CCDC148: variants seen among roughly 807,000 people sequenced by gnomAD.
CCDC148 encodes the protein coiled-coil domain-containing protein 148.
A neutral mutation model predicts 85.7 loss-of-function variants in CCDC148; 89 were observed. The observed-to-expected ratio is 1.04, with a 90% CI of 0.87 to 1.24. The LOEUF is 1.24. CCDC148 is among the 50% of genes most tolerant of loss of function. The pLI is 0.00. For synonymous variants in CCDC148, 230 were observed against 213.9 expected (o/e 1.08, Z -0.66); for missense variants, 692 against 671.7 (o/e 1.03, Z -0.33).
intron 13 of CCDC148, among the ~76,000 whole-genome samples, chr2:158,174,537 T>A (rs1024241099): frequency 6.6e-6 from 1 of 151,934 alleles, no homozygotes; most frequent in South Asian, 2.1e-4. Flanking sequence ...ATGACAGGGA[T>A]ACATTCTGAG....
chr2:158,408,868 T>C (rs1480779786), intron 1 of CCDC148, among the ~76,000 whole-genome samples: 1 of 152,144 alleles, frequency 6.6e-6, no homozygotes, highest in African/African-American at 2.4e-5. Context: ...ATAGCCATTC[T>C]AACTGGTGTG....
chr2:158,262,442 G>T (rs1233030690), intron 9 of CCDC148, among the ~76,000 whole-genome samples: 1 of 151,848 alleles, frequency 6.6e-6, no homozygotes, highest in Non-Finnish European at 1.5e-5. Context: ...AAATATATCT[G>T]CACAATAAAA....
At chr2:158,248,729 T>A (rs1285011849) in intron 10 of CCDC148, among the ~76,000 whole-genome samples, 10 of 152,178 alleles carry the variant, frequency 6.6e-5, no homozygotes, top group Admixed American at 3.9e-4. Context: ...CTCATAGGTA[T>A]AGATCACATC....
chr2:158,340,439 AGT>A (rs944358673), intron 4 of CCDC148, 46 bp from the exon 5 acceptor site: 28 of 1,593,394 alleles, frequency 1.8e-5, no homozygotes, highest in Non-Finnish European at 2.4e-5. Context: ...TATTATTTTA[AGT>A]GTCTCCAAAA....
At chr2:158,453,435 AT>A (rs2105352079) in intron 1 of CCDC148, among the ~76,000 whole-genome samples, 1 of 152,332 alleles carries the variant, frequency 6.6e-6, no homozygotes, top group South Asian at 2.1e-4. Flanking sequence ...GAGCGGAACT[AT>A]TATTAAGCCC....
intron 1 of CCDC148, among the ~76,000 whole-genome samples, chr2:158,440,513 G>A (rs1360720972): frequency 6.6e-6 from 1 of 152,070 alleles, no homozygotes; most frequent in African/African-American, 2.4e-5. Flanking sequence ...ACCCCCAGTG[G>A]ATACCTGAAA....
chr2:158,437,004 A>G (rs1169490104), intron 1 of CCDC148, among the ~76,000 whole-genome samples: 3 of 152,164 alleles, frequency 2.0e-5, no homozygotes, highest in Admixed American at 2.0e-4. Flanking sequence ...AAACCAAAAA[A>G]AGTCCAGGAC....
At chr2:158,439,303 A>C (rs1351887194) in intron 1 of CCDC148, among the ~76,000 whole-genome samples, 1 of 152,218 alleles carries the variant, frequency 6.6e-6, no homozygotes, top group Non-Finnish European at 1.5e-5. Flanking sequence ...GCCATAAAAA[A>C]GGATGAGTTC....
chr2:158,249,117 AT>A (rs1250245510), intron 10 of CCDC148, among the ~76,000 whole-genome samples: 1 of 152,102 alleles, frequency 6.6e-6, no homozygotes, highest in Non-Finnish European at 1.5e-5. Flanking sequence ...ACCGACTCCC[AT>A]TCTCAATACT....
chr2:158,293,734 T>C (rs1691003461), intron 9 of CCDC148, among the ~76,000 whole-genome samples: 1 of 152,142 alleles, frequency 6.6e-6, no homozygotes. Flanking sequence ...ACCCCCAAAT[T>C]CCTTGCCGGC....
chr2:158,285,043 T>C (rs13432927), intron 9 of CCDC148, among the ~76,000 whole-genome samples: 5,957 of 152,244 alleles, frequency 0.039, 183 homozygotes, highest in African/African-American at 0.082. Context: ...ATCTCAACAC[T>C]TTGGGAGGCC....
At chr2:158,285,092 A>G (rs1301610169) in intron 9 of CCDC148, among the ~76,000 whole-genome samples, 2 of 152,152 alleles carry the variant, frequency 1.3e-5, no homozygotes, top group Non-Finnish European at 2.9e-5. Context: ...GTTCAAGATC[A>G]GCCTGGCCAA....
At chr2:158,350,813 T>C (rs1180773428) in intron 2 of CCDC148, among the ~76,000 whole-genome samples, 1 of 152,226 alleles carries the variant, frequency 6.6e-6, no homozygotes, top group Non-Finnish European at 1.5e-5. Flanking sequence ...TTGATACATA[T>C]ATATGTTATA....
At chr2:158,216,628 A>C (rs902630387) in intron 11 of CCDC148, among the ~76,000 whole-genome samples, 23 of 152,158 alleles carry the variant, frequency 1.5e-4, no homozygotes, top group Non-Finnish European at 2.6e-4. Flanking sequence ...TCATGACAAA[A>C]TATTATAGAC....
At chr2:158,283,609 T>C (rs1690454659) in intron 9 of CCDC148, among the ~76,000 whole-genome samples, 1 of 152,084 alleles carries the variant, frequency 6.6e-6, no homozygotes, top group Non-Finnish European at 1.5e-5. Context: ...TGGCAATCAT[T>C]AAAAAGTCAG....
chr2:158,283,681 C>A (rs1404323821), intron 9 of CCDC148, among the ~76,000 whole-genome samples: 3 of 151,770 alleles, frequency 2.0e-5, no homozygotes, highest in African/African-American at 7.3e-5. Flanking sequence ...GTTGGTGGGA[C>A]TGTAAACTAG....
chr2:158,354,089 G>T (rs1683483670), intron 2 of CCDC148, among the ~76,000 whole-genome samples: 1 of 151,662 alleles, frequency 6.6e-6, no homozygotes, highest in Non-Finnish European at 1.5e-5. Context: ...TGTGTACAGG[G>T]AAATTTATAG....
At chr2:158,282,679 A>T (rs1321246749) in intron 9 of CCDC148, among the ~76,000 whole-genome samples, 2 of 152,220 alleles carry the variant, frequency 1.3e-5, no homozygotes, top group Non-Finnish European at 2.9e-5. Context: ...GGAAGAATCA[A>T]TATTGTGAAA....
intron 9 of CCDC148, among the ~76,000 whole-genome samples, chr2:158,280,531 G>C (rs925484257): frequency 7.5e-4 from 114 of 152,202 alleles, no homozygotes; most frequent in Middle Eastern, 3.4e-3. Flanking sequence ...AGACAAAGAA[G>C]GCCAATACAT....
Sources: gnomAD v4.1 joint callset for allele counts (sites outside exome capture counted in the v4.1 genomes callset) on GRCh38, gnomAD v4.1.1 for gene constraint, MANE v1.5 for transcripts, NCBI Gene and HGNC (gene_info 2026-07-23, HGNC 2026-07-21) for gene names.